The following CNTLN variants were observed in gnomAD, a reference collection of about 807,000 sequenced individuals.
CNTLN encodes the protein centlein, also known as centlein, centrosomal protein.
In CNTLN, 212 loss-of-function variants were observed where a neutral mutation model predicts 180.0. The observed-to-expected ratio is 1.18, with a 90% confidence interval of 1.05 to 1.32. The LOEUF (loss-of-function observed/expected upper bound fraction) is 1.32, where lower values mean the gene tolerates loss of function less well. Ranked by LOEUF, CNTLN falls within the 40% of genes most tolerant of loss-of-function variation. The probability of loss-of-function intolerance (pLI) is 0.00; values close to 1 mark genes in which losing one functional copy is unlikely to be tolerated. For missense variants in CNTLN, 2,095 were observed against 1,610.9 expected (o/e 1.30, Z -5.14); for synonymous variants, 722 against 563.1 (o/e 1.28, Z -3.99).
intron 5 of CNTLN, among the ~76,000 whole-genome samples, chr9:17,271,281 C>T (rs987511511): frequency 2.0e-5 from 3 of 151,914 alleles, no homozygotes; most frequent in South Asian, 2.1e-4. Flanking sequence ...TTTGTGGGGG[C>T]GCACCATAAA....
At chr9:17,173,871 A>G (rs1347914205) in intron 2 of CNTLN, among the ~76,000 whole-genome samples, 2 of 152,178 alleles carry the variant, frequency 1.3e-5, no homozygotes, top group African/African-American at 4.8e-5. Context: ...TCCAATAATA[A>G]CATCTTGCAA....
chr9:17,437,169 A>C (rs1215488812), intron 18 of CNTLN, among the ~76,000 whole-genome samples: 1 of 152,192 alleles, frequency 6.6e-6, no homozygotes, highest in Non-Finnish European at 1.5e-5. Flanking sequence ...ATCCATGTGG[A>C]ATTGGACGTG....
At position 17,388,239 on chromosome 9, in the gene CNTLN, C is replaced by T. The variant is rs769162772; in HGVS notation, c.2065C>T (p.Gln689Ter). Residue 689 changes from glutamine (Q) to a stop codon, truncating the protein, a stop_gained, in exon 14 of 26, where the codon CAG becomes TAG. Coordinates refer to ENST00000380647, the MANE Select transcript of CNTLN (RefSeq NM_017738.4). LOFTEE classifies it high-confidence loss of function. Reference sequence around the variant, plus strand: ...GAAGAATGGAAAAGAAATGTTGGAGCAGACATTACAGAAGGTAGTCTAATC... The same window carrying T: ...GAAGAATGGAAAAGAAATGTTGGAGTAGACATTACAGAAGGTAGTCTAATC... Reference protein sequence around the residue: ...PEKNGKEMLEQTLQKVTELEN... With the variant: ...PEKNGKEMLE The T allele has an allele frequency of 7.5e-6, 12 of 1,607,834 alleles. No homozygotes were observed. The Middle Eastern group carries it at 6.6e-4, about 89-fold the overall frequency.
chr9:17,188,980 T>A (rs928786165), intron 2 of CNTLN, among the ~76,000 whole-genome samples: 1 of 151,918 alleles, frequency 6.6e-6, no homozygotes, highest in Non-Finnish European at 1.5e-5. Context: ...ACTGATTGTT[T>A]GATTTTTGTT....
Position 17,228,270 on chromosome 9 carries a change from C to A in CNTLN, c.534+1983C>A, listed in dbSNP as rs564650779. Among the ~76,000 whole-genome samples, 5 of 152,078 alleles carry A rather than the reference C, an allele frequency of 3.3e-5. No homozygotes were observed. The East Asian group carries it at 7.7e-4, about 24-fold the overall frequency. ...TTTTCTTTGCTAAATTCTTTGTCTACTTCTGCATCCTTGAGTAGGGATTGT... is the reference window on the plus strand; with the variant it reads ...TTTTCTTTGCTAAATTCTTTGTCTAATTCTGCATCCTTGAGTAGGGATTGT... On this transcript the variant is annotated intron_variant, in intron 3 of 25. Transcript: ENST00000380647.
intron 5 of CNTLN, among the ~76,000 whole-genome samples, chr9:17,246,179 A>G (rs1360827367): frequency 6.6e-6 from 1 of 152,100 alleles, no homozygotes; most frequent in East Asian, 1.9e-4. Context: ...CATCTTTCTC[A>G]GGAGGGCTTT....
Position 17,151,146 on chromosome 9 carries a change from C to G in CNTLN, c.449+7770C>G, listed in dbSNP as rs138806023. On this transcript the variant is annotated intron_variant, in intron 2 of 25. Transcript: ENST00000380647. Reference sequence around the variant, plus strand: ...ATTTGGATACCCTTTATTGCTTTCTCTTGCCTGATTGCCCTGGCCAGAACT... The same window carrying G: ...ATTTGGATACCCTTTATTGCTTTCTGTTGCCTGATTGCCCTGGCCAGAACT... Among the ~76,000 whole-genome samples, 799 of 152,262 alleles carry G rather than the reference C, an allele frequency of 5.2e-3. 5 individuals are homozygous for G. The highest frequency in any genetic ancestry group is 0.018 in the African/African-American group (767 of 41,548).
chr9:17,169,021 C>T (rs1320938416), intron 2 of CNTLN, among the ~76,000 whole-genome samples: 1 of 151,934 alleles, frequency 6.6e-6, no homozygotes, highest in African/African-American at 2.4e-5. Context: ...TTTAAGTGAC[C>T]GCATCTTGCT....
chr9:17,397,756 G>A (rs986092769), intron 15 of CNTLN, among the ~76,000 whole-genome samples: 1 of 152,100 alleles, frequency 6.6e-6, no homozygotes, highest in Non-Finnish European at 1.5e-5. Flanking sequence ...TGTGCACAAG[G>A]TCACATACTT....
intron 12 of CNTLN, among the ~76,000 whole-genome samples, chr9:17,361,708 G>A (rs1487330611): frequency 6.6e-6 from 1 of 152,052 alleles, no homozygotes; most frequent in Non-Finnish European, 1.5e-5. Context: ...TGTTCTTCTT[G>A]GGACCCCTCT....
At position 17,214,764 on chromosome 9, in the gene CNTLN, T is replaced by G. The variant is rs561138412; in HGVS notation, c.450-11439T>G. On this transcript the variant is annotated intron_variant, in intron 2 of 25. Coordinates refer to ENST00000380647, the MANE Select transcript of CNTLN (RefSeq NM_017738.4). ...AGGCTTTGTTCATTTCTTTTTACTT[T>G]TTTCTCTAAACTTCTCTTCTCACTT... 3.3e-5 allele frequency among the ~76,000 whole-genome samples: 5 copies of G among 152,314 alleles called. No individual in the cohort carries two copies. In the East Asian group the frequency reaches 9.7e-4, roughly 29 times the overall value.
intron 18 of CNTLN, chr9:17,447,653 T>C (rs539944606): frequency 3.3e-5 from 5 of 153,630 alleles, no homozygotes; most frequent in Admixed American, 2.6e-4. Flanking sequence ...TTCAAAATCT[T>C]TGATGAAGCT....
intron 5 of CNTLN, among the ~76,000 whole-genome samples, chr9:17,237,735 A>G (rs879359702): frequency 7.2e-5 from 11 of 151,932 alleles, no homozygotes; most frequent in Admixed American, 6.6e-4. Context: ...GACGATGGTA[A>G]TATGTATGGA....
intron 2 of CNTLN, among the ~76,000 whole-genome samples, chr9:17,183,285 T>A (rs1821234954): frequency 6.6e-6 from 1 of 152,174 alleles, no homozygotes; most frequent in Admixed American, 6.5e-5. Flanking sequence ...ATGGGACATA[T>A]CCACTCTGTC....
At chr9:17,206,214 C>A (rs1397197528) in intron 2 of CNTLN, among the ~76,000 whole-genome samples, 1 of 152,138 alleles carries the variant, frequency 6.6e-6, no homozygotes. Flanking sequence ...TGTAATCCAA[C>A]CTGGACTTTT....
At chr9:17,285,240 T>A (rs1422116344) in intron 6 of CNTLN, among the ~76,000 whole-genome samples, 1 of 147,534 alleles carries the variant, frequency 6.8e-6, no homozygotes, top group Non-Finnish European at 1.5e-5. Flanking sequence ...CACCTATGAG[T>A]GAGTATATGC....
chr9:17,352,416 A>ATAT (rs1469636947), intron 12 of CNTLN, among the ~76,000 whole-genome samples: 123 of 31,258 alleles, frequency 3.9e-3, no homozygotes, highest in African/African-American at 0.013. Context: ...ATATATATAT[A>ATAT]TTTTTTTTTT....
intron 15 of CNTLN, among the ~76,000 whole-genome samples, chr9:17,406,872 C>A (rs770787596): frequency 6.6e-6 from 1 of 151,668 alleles, no homozygotes; most frequent in Non-Finnish European, 1.5e-5. Flanking sequence ...GCCCACCCCC[C>A]ACCAAGGGCT....
rs764889133 is a variant in CNTLN, at chr9:17,462,930, A to G, written c.3321A>G (p.Glu1107=). ...TTTTAATCTAGAATGCTACTAATGA[A>G]CTCACTAAACAGTCATCAAATGTGA... ...LQYKLKNATN[E]LTKQSSNVKT... The change falls in exon 20 of 26, where the codon GAA becomes GAG. Residue 1107 remains glutamate, a synonymous_variant. Transcript: ENST00000380647. 7 of 1,552,742 alleles carry G rather than the reference A, an allele frequency of 4.5e-6. No homozygotes were observed. The highest frequency in any genetic ancestry group is 6.1e-6 in the Non-Finnish European group (7 of 1,151,524).
Sources: gnomAD v4.1 joint callset for allele counts (sites outside exome capture counted in the v4.1 genomes callset) on GRCh38, gnomAD v4.1.1 for gene constraint, MANE v1.5 for transcripts, NCBI Gene and HGNC (gene_info 2026-07-23, HGNC 2026-07-21) for gene names.